ZNF217: variants seen among roughly 807,000 people sequenced by gnomAD.
ZNF217 encodes the protein zinc finger protein 217.
ZNF217 carries 12 observed loss-of-function variants against 73.3 expected under a neutral mutation model. The ratio of observed to expected loss-of-function variants is 0.16; its 90% CI spans 0.10 to 0.27. ZNF217 has a LOEUF of 0.27. Ranked by LOEUF, ZNF217 falls within the 10% of genes least tolerant of loss-of-function variation. The pLI is 1.00. For missense variants in ZNF217, 1,195 were observed against 1,327.8 expected (o/e 0.90, Z 1.55); for synonymous variants, 588 against 516.4 (o/e 1.14, Z -1.88).
At position 53,576,746 on chromosome 20, in the gene ZNF217, T is replaced by C; in HGVS notation, c.2018A>G (p.Asp673Gly). Reference protein sequence around the residue: ...PKEKQTETAADCRYRPSVDCH... With the variant: ...PKEKQTETAAGCRYRPSVDCH... ...ATCCACACTTGGCCTGTATCTGCAGTCAGCTGCGGTCTCCGTTTGCTTCTC... is the reference window on the plus strand; with the variant it reads ...ATCCACACTTGGCCTGTATCTGCAGCCAGCTGCGGTCTCCGTTTGCTTCTC... The change falls in exon 4 of 6, where the codon GAC (aspartate) becomes GGC (glycine). Residue 673 changes from aspartate (D) to glycine (G), a missense_variant. Around this residue, in one of 9 missense-constraint regions of ZNF217, gnomAD observed 649 missense variants for 642.8 expected, o/e 1.01. Coordinates refer to ENST00000371471, the MANE Select transcript of ZNF217 (RefSeq NM_006526.3). 6.2e-7 allele frequency: 1 copy of C among 1,614,232 alleles called. No homozygotes were observed. The highest frequency in any genetic ancestry group is 8.5e-7 in the Non-Finnish European group (1 of 1,180,036).
At chr20:53,573,038 A>G (rs1327343018) in intron 4 of ZNF217, among the ~76,000 whole-genome samples, 4 of 150,106 alleles carry the variant, frequency 2.7e-5, no homozygotes, top group African/African-American at 9.8e-5. Context: ...CCACCACCCC[A>G]GCCAACAGAT....
At position 53,582,020 on chromosome 20, in the gene ZNF217, G is replaced by T; in HGVS notation, c.807C>A (p.Phe269Leu). The change falls in exon 2 of 6, where the codon TTC becomes TTA. Residue 269 changes from phenylalanine to leucine, a missense_variant. Physicochemically the swap from Phe to Leu is conservative, Grantham distance 22. This residue lies in a region of ZNF217 where 126 missense variants were observed against 114.4 expected (regional missense o/e 1.10). Coordinates refer to ENST00000371471, the MANE Select transcript of ZNF217 (RefSeq NM_006526.3). The surrounding 1 kb of genome is among the most constrained non-coding windows in gnomAD (Gnocchi z 4.8). The part of the protein sequence containing the change: ...PSSREDFLQL[F>L]NLRPKSHPET... ...CAGGGTGAGATTTTGGTCTCAAGTT[G>T]AACAACTGCAGGAAGTCCTCCCTCG... 3 of 1,614,218 alleles carry T rather than the reference G, an allele frequency of 1.9e-6. No homozygotes were observed. The South Asian group carries it at 3.3e-5, about 18-fold the overall frequency.
Position 53,581,686 on chromosome 20 carries a change from C to A in ZNF217, c.1141G>T (p.Gly381Cys). 3.7e-6 allele frequency: 6 copies of A among 1,614,244 alleles called. No individual in the cohort carries two copies. Among genetic ancestry groups the A allele is most frequent in the Non-Finnish European group, 5.1e-6 (6 of 1,180,036 alleles). ...KEKPTHCSEC[G>C]KAFRTYHQLV... ...TGGTGGTAGGTTCTGAAAGCTTTGC[C>A]GCACTCGGAGCAGTGAGTGGGCTTC... is the stretch of plus-strand genomic sequence containing the variant. The change falls in exon 2 of 6, where the codon GGC (glycine) becomes TGC (cysteine). Residue 381 changes from glycine to cysteine, a missense_variant. Gly to Cys is a radical substitution (Grantham distance 159, BLOSUM62 -3). This residue lies in a region of ZNF217 where 102 missense variants were observed against 91.9 expected (regional missense o/e 1.11). Transcript: ENST00000371471. This position sits in a 1 kb window ranked among gnomAD's most constrained non-coding sequence, Gnocchi z 4.9.
At chr20:53,597,537 C>T (rs1314204503), upstream of ZNF217, 1 of 151,696 alleles carries the variant, frequency 6.6e-6, no homozygotes. Context: ...GTTTCTTGAT[C>T]CCATGCAAGT....
chr20:53,574,789 C>A (rs1277848760), intron 4 of ZNF217: 2 of 138,672 alleles, frequency 1.4e-5, no homozygotes, highest in African/African-American at 5.5e-5. Context: ...AGCAAAACTC[C>A]GTCTCAAAAA....
rs374457302 is a variant in ZNF217 at position 53,581,753 on chromosome 20, C to T, written c.1074G>A (p.Ala358=). The T allele has an allele frequency of 5.6e-6, 9 of 1,614,118 alleles. No individual in the cohort carries two copies. The East Asian group carries it at 1.3e-4, about 24-fold the overall frequency. ...KEKCKHSHGE[A]PSVDADPKLP... The stretch of plus-strand genomic sequence containing the variant: ...ACTTGGGATCCGCGTCCACGGAGGG[C>T]GCTTCGCCGTGGGAGTGTTTGCACT... The change falls in exon 2 of 6, where the codon GCG becomes GCA. Residue 358 remains alanine, a synonymous_variant. Transcript: ENST00000371471. The surrounding 1 kb of genome is among the most constrained non-coding windows in gnomAD (Gnocchi z 4.9).
At chr20:53,589,203 T>C (rs1378518260) in intron 1 of ZNF217, among the ~76,000 whole-genome samples, 2 of 152,206 alleles carry the variant, frequency 1.3e-5, no homozygotes, top group Non-Finnish European at 2.9e-5. Context: ...AGCTTTTCTA[T>C]AGGAAGTACA....
At position 53,582,970 on chromosome 20, in the gene ZNF217, T is replaced by C; in HGVS notation, c.-144A>G. The C allele has an allele frequency of 2.4e-6, 2 of 835,106 alleles. No homozygotes were observed. The highest frequency in any genetic ancestry group is 1.8e-6 in the Non-Finnish European group (1 of 557,810). The allele number at this position is 835,106 out of a possible 1,614,324, so 51.7% of individuals were successfully genotyped here. ...AAGTTCAAAAGAAAGTGTATAGTCC[T>C]CTAACTTCTTCGAACTTTTAGGAAG... On this transcript the variant is annotated 5_prime_UTR_variant, in exon 2 of 6. Coordinates refer to ENST00000371471, the MANE Select transcript of ZNF217 (RefSeq NM_006526.3). This position sits in a 1 kb window ranked among gnomAD's most constrained non-coding sequence, Gnocchi z 4.8.
At chr20:53,585,822 G>A (rs1314158473) in intron 1 of ZNF217, among the ~76,000 whole-genome samples, 2 of 152,050 alleles carry the variant, frequency 1.3e-5, no homozygotes, top group Non-Finnish European at 2.9e-5. Context: ...TGGAGATGAG[G>A]GCAGGCATTC....
upstream of ZNF217, chr20:53,593,839 TGAG>T (rs1157840407): frequency 1.2e-4 from 10 of 86,948 alleles, no homozygotes; most frequent in East Asian, 2.7e-3. Flanking sequence ...CGGGTTTGAA[TGAG>T]GAGGAGCGGG....
intron 5 of ZNF217, among the ~76,000 whole-genome samples, chr20:53,571,177 G>A (rs1987981614): frequency 2.0e-5 from 3 of 152,116 alleles, no homozygotes; most frequent in Admixed American, 2.0e-4. Flanking sequence ...AATTAAATGA[G>A]ATCCTGATAA....
chr20:53,595,059 A>C (rs6022606), upstream of ZNF217, among the ~76,000 whole-genome samples: 7 of 150,062 alleles, frequency 4.7e-5, no homozygotes, highest in East Asian at 1.9e-4. Context: ...AAAAAAAAAA[A>C]AAAAAACCGC....
intron 1 of ZNF217, 27 bp downstream of exon 1, chr20:53,593,729 C>G (rs1173030241): frequency 1.3e-5 from 2 of 150,984 alleles, no homozygotes; most frequent in Non-Finnish European, 3.0e-5. Context: ...CCCCGGCTGG[C>G]GCGGGCGGGG....
At chr20:53,592,393 GA>G (rs1346748745) in intron 1 of ZNF217, among the ~76,000 whole-genome samples, 2 of 148,046 alleles carry the variant, frequency 1.4e-5, no homozygotes, top group Non-Finnish European at 3.0e-5. Context: ...GGGGTGGGGG[GA>G]AAGAAAAAGA....
chr20:53,578,280 T>C, intron 3 of ZNF217, 54 bp downstream of exon 3: 1 of 1,263,644 alleles, frequency 7.9e-7, no homozygotes, highest in Non-Finnish European at 1.1e-6. Flanking sequence ...ACAAAAAAAT[T>C]AGATAACTAC....
At chr20:53,584,785 C>T (rs1172750197) in intron 1 of ZNF217, among the ~76,000 whole-genome samples, 1 of 152,176 alleles carries the variant, frequency 6.6e-6, no homozygotes, top group African/African-American at 2.4e-5. Context: ...TGTGAAGTGA[C>T]TTAGGTTTCT....
At position 53,568,395 on chromosome 20, in the gene ZNF217, ATTAAT is replaced by A. The variant is rs1392742696; in HGVS notation, c.*888_*892del. ...GCCACTGAATCGTCCAACAAAAATG[ATTAAT>A]TTGACAGAAACAAATTTAAATAACT... is the stretch of plus-strand genomic sequence containing the variant. On this transcript the variant is annotated 3_prime_UTR_variant, in exon 6 of 6. Coordinates refer to ENST00000371471, the MANE Select transcript of ZNF217 (RefSeq NM_006526.3). 1 of 152,230 alleles carries A rather than the reference ATTAAT, an allele frequency of 6.6e-6. No homozygotes were observed. The highest frequency in any genetic ancestry group is 2.4e-5 in the African/African-American group (1 of 41,468). The allele number at this position is 152,230 out of a possible 1,614,324, so 9.4% of individuals were successfully genotyped here. A position where few individuals can be genotyped will look rare whatever the true frequency, so the allele number is the denominator to read the frequency against.
chr20:53,585,861 G>A (rs538494370), intron 1 of ZNF217, among the ~76,000 whole-genome samples: 16 of 152,206 alleles, frequency 1.1e-4, no homozygotes, highest in Non-Finnish European at 1.6e-4. Context: ...TGTGTGGTCA[G>A]ATGGGGAAGG....
intron 3 of ZNF217, among the ~76,000 whole-genome samples, chr20:53,577,486 A>C (rs1055066618): frequency 6.6e-6 from 1 of 152,250 alleles, no homozygotes; most frequent in African/African-American, 2.4e-5. Context: ...AAAAATTAAC[A>C]GCAACACTTC....
Sources: gnomAD v4.1 joint callset for allele counts (sites outside exome capture counted in the v4.1 genomes callset) on GRCh38, gnomAD v4.1.1 for gene constraint, gnomAD v4.1.1 regional missense constraint, Gnocchi (gnomAD v3.1) non-coding constraint, MANE v1.5 for transcripts, NCBI Gene and HGNC (gene_info 2026-07-23, HGNC 2026-07-21) for gene names.